GATA4: variants seen among roughly 807,000 people sequenced by gnomAD.
The protein encoded by GATA4 is GATA binding protein 4.
In GATA4, 7 loss-of-function variants were observed where a neutral mutation model predicts 37.9. That is an observed-to-expected ratio of 0.18 (90% CI 0.11 to 0.35). GATA4 has a LOEUF of 0.35. GATA4 is among the 10% of genes least tolerant of loss of function. GATA4 has a pLI of 1.00. For synonymous variants in GATA4, 372 were observed against 292.6 expected (o/e 1.27, Z -2.77); for missense variants, 647 against 653.0 (o/e 0.99, Z 0.10).
upstream of GATA4, among the ~76,000 whole-genome samples, chr8:11,688,293 CA>C (rs1425013724): frequency 6.6e-6 from 1 of 152,196 alleles, no homozygotes; most frequent in East Asian, 1.9e-4. Context: ...TACTTGGGAA[CA>C]TTTTTTGCAT....
intron 2 of GATA4, among the ~76,000 whole-genome samples, chr8:11,742,023 G>A (rs148059512): frequency 6.6e-6 from 1 of 152,244 alleles, no homozygotes; most frequent in African/African-American, 2.4e-5. Context: ...TGTGGCCCTG[G>A]GCAGGATCTG....
chr8:11,723,611 A>C (rs1800776767), intron 2 of GATA4, among the ~76,000 whole-genome samples: 1 of 152,152 alleles, frequency 6.6e-6, no homozygotes, highest in African/African-American at 2.4e-5. Context: ...GCGTTTGGAG[A>C]TCAATCTCAG....
chr8:11,682,126 G>A (rs1798992633), intron 1 of GATA4, among the ~76,000 whole-genome samples: 1 of 151,974 alleles, frequency 6.6e-6, no homozygotes, highest in Non-Finnish European at 1.5e-5. Flanking sequence ...CTAACTAATG[G>A]CACATTTTAA....
chr8:11,719,696 G>A (rs548942718), intron 2 of GATA4, among the ~76,000 whole-genome samples: 7 of 152,082 alleles, frequency 4.6e-5, no homozygotes, highest in Middle Eastern at 3.2e-3. Flanking sequence ...TTAAGTAGTC[G>A]TGCAAGTTAC....
chr8:11,683,112 C>G (rs1310118348), intron 1 of GATA4: 45 of 985,266 alleles, frequency 4.6e-5, no homozygotes, highest in Non-Finnish European at 5.4e-5. Flanking sequence ...TTGGAAAGCT[C>G]TTGGTGTGGT....
chr8:11,730,983 G>C (rs1310031548), intron 2 of GATA4, among the ~76,000 whole-genome samples: 2 of 152,266 alleles, frequency 1.3e-5, no homozygotes, highest in African/African-American at 4.8e-5. Flanking sequence ...GGCTCTGTCA[G>C]GGCGAGCTTC....
intron 5 of GATA4, 82 bp downstream of exon 5, chr8:11,755,215 C>A: frequency 8.3e-7 from 1 of 1,207,858 alleles, no homozygotes; most frequent in Non-Finnish European, 1.2e-6. Flanking sequence ...CCGGGTTAGG[C>A]AGGCCAGCCC....
At chr8:11,680,690 G>A (rs1585540945) in intron 1 of GATA4, 3 of 985,290 alleles carry the variant, frequency 3.0e-6, no homozygotes, top group African/African-American at 1.7e-5. Flanking sequence ...CCCCCCCTTG[G>A]GGAGACCGGA....
chr8:11,721,102 C>A (rs1167809932), intron 2 of GATA4, among the ~76,000 whole-genome samples: 2 of 151,632 alleles, frequency 1.3e-5, no homozygotes, highest in Non-Finnish European at 2.9e-5. Flanking sequence ...GGAGGGAACA[C>A]GTGGATGTGC....
At chr8:11,717,325 G>A (rs1441644069) in intron 2 of GATA4, among the ~76,000 whole-genome samples, 2 of 152,204 alleles carry the variant, frequency 1.3e-5, no homozygotes, top group South Asian at 2.1e-4. Context: ...ACTTTTTAGC[G>A]AGAGTAGCCT....
At chr8:11,714,182 A>G (rs1244287694) in intron 2 of GATA4, among the ~76,000 whole-genome samples, 1 of 152,270 alleles carries the variant, frequency 6.6e-6, no homozygotes, top group East Asian at 1.9e-4. Flanking sequence ...TAATGGAGAC[A>G]TAAGCAATTA....
chr8:11,688,670 T>C (rs1220227551), upstream of GATA4, among the ~76,000 whole-genome samples: 2 of 152,190 alleles, frequency 1.3e-5, no homozygotes, highest in African/African-American at 4.8e-5. Context: ...CTGGTGTGAC[T>C]AGGGGAGCCA....
intron 6 of GATA4, 63 bp from the exon 7 acceptor site, chr8:11,758,230 C>G (rs80069792): frequency 3.2e-6 from 5 of 1,574,272 alleles, no homozygotes; most frequent in South Asian, 2.2e-5. Context: ...CCTCCCCAGC[C>G]TAGACCTCCC....
intron 2 of GATA4, among the ~76,000 whole-genome samples, chr8:11,741,315 A>G (rs1046400610): frequency 6.6e-6 from 1 of 152,054 alleles, no homozygotes; most frequent in Admixed American, 6.6e-5. Flanking sequence ...CCATCTCTAC[A>G]AAATGCTAGA....
Position 11,750,194 on chromosome 8 carries a change from G to A in GATA4, c.870G>A (p.Glu290=). ...TGTGGCGCCGCAATGCGGAGGGCGA[G>A]CCTGTGTGCAATGCCTGCGGCCTCT... is the stretch of plus-strand genomic sequence containing the variant. ...TTLWRRNAEG[E]PVCNACGLYM... The change falls in exon 4 of 7, where the codon GAG becomes GAA. Residue 290 remains glutamate (E), a synonymous_variant. Transcript: ENST00000532059. 4.3e-6 allele frequency: 7 copies of A among 1,613,688 alleles called. No individual in the cohort carries two copies. The highest frequency in any genetic ancestry group is 5.9e-6 in the Non-Finnish European group (7 of 1,180,050).
At chr8:11,697,639 GC>G (rs1799544724) in intron 1 of GATA4, 4 of 985,444 alleles carry the variant, frequency 4.1e-6, no homozygotes, top group Non-Finnish European at 4.8e-6. Context: ...CCCCAGCACA[GC>G]CCCCCTTTCA....
At chr8:11,744,851 G>T (rs1191151238) in intron 2 of GATA4, among the ~76,000 whole-genome samples, 1 of 152,132 alleles carries the variant, frequency 6.6e-6, no homozygotes, top group Admixed American at 6.5e-5. Flanking sequence ...CTTCTATGCT[G>T]GTGGGAATTC....
chr8:11,692,819 G>T (rs942278363), intron 1 of GATA4: 2 of 982,386 alleles, frequency 2.0e-6, no homozygotes, highest in African/African-American at 3.5e-5. Context: ...CGGGCGCCAG[G>T]CCGGGCAGAG....
chr8:11,693,450 C>T (rs1233119489), intron 1 of GATA4, among the ~76,000 whole-genome samples: 2 of 150,236 alleles, frequency 1.3e-5, no homozygotes, highest in Non-Finnish European at 3.0e-5. Context: ...GAGTGAGACC[C>T]TGTGGAGAAA....
Sources: gnomAD v4.1 joint callset for allele counts (sites outside exome capture counted in the v4.1 genomes callset) on GRCh38, gnomAD v4.1.1 for gene constraint, MANE v1.5 for transcripts, NCBI Gene and HGNC (gene_info 2026-07-23, HGNC 2026-07-21) for gene names.